The following TTC7A variants were observed in gnomAD, a reference collection of about 807,000 sequenced individuals.
TTC7A encodes the protein tetratricopeptide repeat protein 7A.
A neutral mutation model predicts 103.7 loss-of-function variants in TTC7A; 110 were observed. The ratio of observed to expected loss-of-function variants is 1.06; its 90% confidence interval spans 0.91 to 1.24. The LOEUF is 1.24. Ranked by LOEUF, TTC7A falls within the 50% of genes most tolerant of loss-of-function variation. TTC7A has a pLI of 0.00. For missense variants in TTC7A, 1,340 were observed against 1,116.3 expected, an observed-to-expected ratio of 1.20 and a Z score of -2.86; for synonymous variants, 521 against 467.9, an observed-to-expected ratio of 1.11 and a Z score of -1.47.
At chr2:47,040,771 C>T (rs1469693649) in intron 15 of TTC7A, among the ~76,000 whole-genome samples, 1 of 152,198 alleles carries the variant, frequency 6.6e-6, no homozygotes, top group Non-Finnish European at 1.5e-5. Context: ...GGTGGAAGTT[C>T]GTGGGACAGG....
chr2:47,061,306 A>G (rs184610222), intron 19 of TTC7A, among the ~76,000 whole-genome samples: 5 of 152,308 alleles, frequency 3.3e-5, no homozygotes, highest in African/African-American at 9.6e-5. Flanking sequence ...ATTGTTAACC[A>G]TCAGACCCTT....
intron 2 of TTC7A, among the ~76,000 whole-genome samples, chr2:46,934,787 C>CTTTTTTTTTTTTTTT (rs1161003607): frequency 1.2e-4 from 8 of 66,916 alleles, no homozygotes; most frequent in Admixed American, 1.9e-4. Context: ...GACTACTGCT[C>CTTTTTTTTTTTTTTT]TTTTTTTTTT....
upstream of TTC7A, among the ~76,000 whole-genome samples, chr2:46,940,557 A>C (rs540584298): frequency 6.6e-6 from 1 of 152,390 alleles, no homozygotes; most frequent in Non-Finnish European, 1.5e-5. The surrounding 1 kb of genome is among the most constrained non-coding windows in gnomAD (Gnocchi z 4.7). Flanking sequence ...TTAGACCAGC[A>C]TGAAGAAATA....
intron 2 of TTC7A, among the ~76,000 whole-genome samples, chr2:46,955,072 C>T (rs1028472352): frequency 4.6e-5 from 7 of 152,174 alleles, no homozygotes; most frequent in Non-Finnish European, 7.3e-5. Context: ...ATGATAAATA[C>T]GCATACCCTG....
At chr2:47,022,658 A>G (rs749928597) in intron 12 of TTC7A, among the ~76,000 whole-genome samples, 13 of 152,110 alleles carry the variant, frequency 8.5e-5, no homozygotes, top group East Asian at 1.9e-4. Context: ...CACCTCCCCC[A>G]AACGCCAGTT....
Position 46,981,639 on chromosome 2 carries a change from G to A in TTC7A, c.764+2732G>A, listed in dbSNP as rs972490029. Among the ~76,000 whole-genome samples, 6 of 152,320 alleles carry A rather than the reference G, an allele frequency of 3.9e-5. No homozygotes were observed. In the South Asian group the frequency reaches 6.2e-4, roughly 16 times the overall value. ...AGTGGGTCATGAATCTCCAGGAGGC[G>A]GCAAAGGCCCATGAAGCTGCTGACT... On this transcript the variant is annotated intron_variant, in intron 5 of 19. Transcript: ENST00000319190.
At chr2:47,011,202 A>G in intron 10 of TTC7A, 129 bp from the exon 11 acceptor site, 3 of 771,792 alleles carry the variant, frequency 3.9e-6, no homozygotes. Context: ...TCTGCCCTGG[A>G]CCTCTTCCTG....
At chr2:46,948,175 G>T (rs912994929) in intron 1 of TTC7A, among the ~76,000 whole-genome samples, 3 of 152,218 alleles carry the variant, frequency 2.0e-5, no homozygotes, top group Admixed American at 6.5e-5. Flanking sequence ...ACAAGGCGGG[G>T]ACCAGCTGGG....
At chr2:46,954,796 C>G (rs1671706286) in intron 2 of TTC7A, among the ~76,000 whole-genome samples, 1 of 152,112 alleles carries the variant, frequency 6.6e-6, no homozygotes, top group South Asian at 2.1e-4. Flanking sequence ...GTCTCAAATT[C>G]CTGATCTTAG....
chr2:47,029,456 G>T, intron 15 of TTC7A, 72 bp downstream of exon 15: 2 of 1,531,510 alleles, frequency 1.3e-6, no homozygotes, highest in Non-Finnish European at 1.8e-6. Context: ...ATGCACACCT[G>T]CCCTGCCATG....
chr2:47,002,084 T>C (rs1342690684), intron 8 of TTC7A, among the ~76,000 whole-genome samples: 1 of 152,110 alleles, frequency 6.6e-6, no homozygotes, highest in Non-Finnish European at 1.5e-5. Context: ...GTTGTTTCTT[T>C]GGCTTCTCCT....
At chr2:47,039,819 G>A (rs1478479115) in intron 15 of TTC7A, among the ~76,000 whole-genome samples, 1 of 152,196 alleles carries the variant, frequency 6.6e-6, no homozygotes, top group South Asian at 2.1e-4. Context: ...TGGAGCGCTT[G>A]GGGAGATTGG....
At chr2:47,022,001 G>C in intron 12 of TTC7A, 22 bp downstream of exon 12, 5 of 1,573,338 alleles carry the variant, frequency 3.2e-6, no homozygotes, top group Non-Finnish European at 4.4e-6. Flanking sequence ...GCCCCAGGAG[G>C]CCTCTACTTG....
intron 2 of TTC7A, among the ~76,000 whole-genome samples, chr2:46,923,877 C>T (rs143035720): frequency 0.033 from 4,971 of 152,054 alleles, 103 homozygotes; most frequent in Non-Finnish European, 0.047. Context: ...GGATTACAGG[C>T]GCCTGCCACC....
chr2:47,021,841 C>T (rs1347000313), intron 11 of TTC7A, 21 bp from the exon 12 acceptor site: 4 of 1,604,688 alleles, frequency 2.5e-6, no homozygotes, highest in Non-Finnish European at 3.4e-6. Context: ...CCTCCATGAC[C>T]TCTGTCTCTC....
intron 2 of TTC7A, among the ~76,000 whole-genome samples, chr2:46,931,374 C>T (rs1275508454): frequency 6.6e-6 from 1 of 152,242 alleles, no homozygotes; most frequent in Non-Finnish European, 1.5e-5. Flanking sequence ...CCATAAGCCA[C>T]CATGCTCAGA....
chr2:47,014,484 A>G (rs557120953), intron 11 of TTC7A, among the ~76,000 whole-genome samples: 3 of 152,282 alleles, frequency 2.0e-5, no homozygotes, highest in African/African-American at 7.2e-5. Flanking sequence ...CAAGGACTGG[A>G]AACTGGCCCC....
chr2:47,035,454 A>G (rs1681005836), intron 15 of TTC7A: 1 of 152,228 alleles, frequency 6.6e-6, no homozygotes. Flanking sequence ...GTTCCTCATT[A>G]GCTAAGCTGA....
At chr2:46,951,797 C>T in intron 2 of TTC7A, 1 of 382,938 alleles carries the variant, frequency 2.6e-6, no homozygotes, top group Non-Finnish European at 5.3e-6. Flanking sequence ...TTGTGTTGTG[C>T]ACTCTGAAGG....
Sources: gnomAD v4.1 joint callset for allele counts (sites outside exome capture counted in the v4.1 genomes callset) on GRCh38, gnomAD v4.1.1 for gene constraint, Gnocchi (gnomAD v3.1) non-coding constraint, MANE v1.5 for transcripts, NCBI Gene and HGNC (gene_info 2026-07-23, HGNC 2026-07-21) for gene names.